Variants in PTPRT observed in about 807,000 individuals in gnomAD.
The protein encoded by PTPRT is protein tyrosine phosphatase receptor type T.
In PTPRT, 56 loss-of-function variants were observed where a neutral mutation model predicts 176.8. The ratio of observed to expected loss-of-function variants is 0.32; its 90% confidence interval spans 0.26 to 0.40. The LOEUF is 0.40. Ranked by LOEUF, PTPRT falls within the 10% of genes least tolerant of loss-of-function variation. PTPRT has a pLI of 1.00. For synonymous variants in PTPRT, 783 were observed against 739.0 expected (o/e 1.06, Z -0.96); for missense variants, 1,540 against 1,908.2 (o/e 0.81, Z 3.60).
chr20:42,307,581 T>C (rs750511214), intron 12 of PTPRT, among the ~76,000 whole-genome samples: 18 of 152,240 alleles, frequency 1.2e-4, no homozygotes, highest in South Asian at 8.3e-4. Context: ...GAGGTTTTCA[T>C]AAGGACATGC....
chr20:42,118,538 G>C, intron 20 of PTPRT, 38 bp from the exon 21 acceptor site: 1 of 1,546,792 alleles, frequency 6.5e-7, no homozygotes, highest in South Asian at 1.2e-5. Context: ...GAGAATGCAA[G>C]TGCAAAGCAG....
chr20:42,948,664 C>G (rs937952389), intron 1 of PTPRT, among the ~76,000 whole-genome samples: 1 of 152,204 alleles, frequency 6.6e-6, no homozygotes, highest in Non-Finnish European at 1.5e-5. Context: ...AGTGAAAGAT[C>G]TGAAACTGAT....
rs2075788737 is a variant in PTPRT, at chr20:42,691,243, TA to T, written c.860-13085del. Among the ~76,000 whole-genome samples, 3 of 151,748 alleles carry T rather than the reference TA, an allele frequency of 2.0e-5. No individual in the cohort carries two copies. In the South Asian group the frequency reaches 6.3e-4, roughly 32 times the overall value. On this transcript the variant is annotated intron_variant, in intron 6 of 30. Coordinates refer to ENST00000373187, the MANE Select transcript of PTPRT (RefSeq NM_007050.6). ...GAACAAATATGACAAGATGACAAAG[TA>T]GAGAGAAAGGGGGTGGTAGGGAGTG...
rs76151311 is a variant in PTPRT, at chr20:42,564,180, G to A, written c.1154-91618C>T. ...TAGCCTTGCTGTATACCCAGCAACC[G>A]CCTAGTCTCCTTCACAGAAAGAAAC... On this transcript the variant is annotated intron_variant, in intron 7 of 30. Coordinates refer to ENST00000373187, the MANE Select transcript of PTPRT (RefSeq NM_007050.6). Among the ~76,000 whole-genome samples the A allele has an allele frequency of 2.6e-3, 401 of 152,292 alleles. 3 individuals are homozygous for A. The Middle Eastern group carries it at 0.037, about 14-fold the overall frequency.
intron 9 of PTPRT, among the ~76,000 whole-genome samples, chr20:42,440,481 C>CT (rs759500806): frequency 0.017 from 2,350 of 138,502 alleles, 53 homozygotes; most frequent in African/African-American, 0.055. Context: ...TTGTTTCTTT[C>CT]TTTTTTTTTT....
At chr20:42,111,401 C>T (rs6029979) in intron 22 of PTPRT, among the ~76,000 whole-genome samples, 35,714 of 152,110 alleles carry the variant, frequency 0.23, 4,293 homozygotes, top group African/African-American at 0.29. Flanking sequence ...ATAAAAGCCA[C>T]AGCTCCTATC....
intron 17 of PTPRT, among the ~76,000 whole-genome samples, chr20:42,143,081 T>G (rs909641246): frequency 4.3e-4 from 65 of 152,130 alleles, no homozygotes; most frequent in African/African-American, 1.5e-3. Flanking sequence ...GAGTCCAGAT[T>G]ATATAAGACA....
chr20:42,639,003 T>C (rs114751530), intron 7 of PTPRT, among the ~76,000 whole-genome samples: 4 of 152,126 alleles, frequency 2.6e-5, no homozygotes, highest in African/African-American at 9.7e-5. Context: ...AGGTTTCAGA[T>C]AGATTTTTGT....
chr20:42,380,207 C>T (rs947451573), intron 9 of PTPRT, among the ~76,000 whole-genome samples: 3 of 152,162 alleles, frequency 2.0e-5, no homozygotes, highest in African/African-American at 7.2e-5. Flanking sequence ...CCTCAGTTTC[C>T]TTATCCCACT....
At chr20:43,076,405 T>C (rs1049923417) in intron 1 of PTPRT, among the ~76,000 whole-genome samples, 2 of 146,412 alleles carry the variant, frequency 1.4e-5, no homozygotes, top group East Asian at 2.1e-4. Context: ...TCTTCCTTTA[T>C]TTTTAATGCA....
intron 7 of PTPRT, among the ~76,000 whole-genome samples, chr20:42,582,433 A>G (rs988981340): frequency 9.2e-5 from 14 of 152,122 alleles, no homozygotes; most frequent in South Asian, 6.2e-4. Flanking sequence ...TCACCAACGA[A>G]CTGGAAAAAT....
intron 7 of PTPRT, among the ~76,000 whole-genome samples, chr20:42,665,637 T>C (rs536019208): frequency 2.6e-5 from 4 of 152,234 alleles, no homozygotes; most frequent in East Asian, 1.9e-4. Context: ...TAAAGACACA[T>C]GCACATGTAT....
At chr20:42,440,729 G>C (rs992504570) in intron 9 of PTPRT, among the ~76,000 whole-genome samples, 1 of 152,070 alleles carries the variant, frequency 6.6e-6, no homozygotes, top group East Asian at 1.9e-4. Context: ...CGCCCGCCTT[G>C]GCCTCCCAAA....
chr20:42,406,994 A>G (rs1400652901), intron 9 of PTPRT, among the ~76,000 whole-genome samples: 1 of 152,174 alleles, frequency 6.6e-6, no homozygotes, highest in Non-Finnish European at 1.5e-5. Context: ...ATCTCCTTTA[A>G]GCAGATGTAG....
At chr20:42,701,361 T>C (rs184990436) in intron 6 of PTPRT, among the ~76,000 whole-genome samples, 85 of 152,204 alleles carry the variant, frequency 5.6e-4, no homozygotes, top group Admixed American at 5.2e-3. Flanking sequence ...AACAGTAGAT[T>C]AGTCAGTAAT....
At chr20:42,826,007 C>T (rs2077986609) in intron 2 of PTPRT, among the ~76,000 whole-genome samples, 1 of 152,050 alleles carries the variant, frequency 6.6e-6, no homozygotes, top group African/African-American at 2.4e-5. Flanking sequence ...ACAAAACCCC[C>T]TTTGACATCT....
At chr20:43,000,868 G>GA (rs11483747) in intron 1 of PTPRT, among the ~76,000 whole-genome samples, 29,241 of 151,964 alleles carry the variant, frequency 0.19, 2,912 homozygotes, top group Middle Eastern at 0.21. Context: ...ACAGGCAACA[G>GA]AAAAAAATTA....
In PTPRT at chr20:42,480,143, C is replaced by T. The variant is rs149112901; in HGVS notation, c.1154-7581G>A. 4.0e-3 allele frequency among the ~76,000 whole-genome samples: 613 copies of T among 152,330 alleles called. 2 individuals carry two copies. Among genetic ancestry groups the T allele is most frequent in the Middle Eastern group, 0.01 (3 of 294 alleles). On this transcript the variant is annotated intron_variant, in intron 7 of 30. Transcript: ENST00000373187. Reference sequence around the variant, plus strand: ...AGGCATCATGACATGGGGAAAAGAACATTGGTTCTGTGATCACCTGAACCT... The same window carrying T: ...AGGCATCATGACATGGGGAAAAGAATATTGGTTCTGTGATCACCTGAACCT...
chr20:42,921,701 A>G (rs1979155248), intron 1 of PTPRT, among the ~76,000 whole-genome samples: 1 of 152,210 alleles, frequency 6.6e-6, no homozygotes. Flanking sequence ...GGAATTCTGT[A>G]ATCTATAGCG....
Sources: allele counts gnomAD v4.1 joint callset (sites outside exome capture counted in the v4.1 genomes callset), GRCh38; gene constraint gnomAD v4.1.1; transcripts MANE v1.5; gene names NCBI Gene and HGNC (gene_info 2026-07-23, HGNC 2026-07-21).